The following TPO variants were observed in gnomAD, a reference collection of about 807,000 sequenced individuals.
TPO encodes thyroid peroxidase, also known as thyroid microsomal antigen.
A neutral mutation model predicts 96.9 loss-of-function variants in TPO; 78 were observed. The ratio of observed to expected loss-of-function variants is 0.81; its 90% CI spans 0.67 to 0.97. The LOEUF (loss-of-function observed/expected upper bound fraction) is 0.97. Ranked by LOEUF, TPO falls within the 50% of genes least tolerant of loss-of-function variation. The pLI is 0.00. For synonymous variants in TPO, 547 were observed against 538.0 expected, an observed-to-expected ratio of 1.02 and a Z score of -0.23; for missense variants, 1,252 against 1,274.8, an observed-to-expected ratio of 0.98 and a Z score of 0.27.
intron 1 of TPO, among the ~76,000 whole-genome samples, chr2:1,390,019 C>CTTT (rs5828818): frequency 1.4e-5 from 2 of 138,056 alleles, no homozygotes. Flanking sequence ...TCTTTCTTTT[C>CTTT]TTTTTTTTTT....
intron 2 of TPO, 151 bp downstream of exon 2, chr2:1,414,653 T>G: frequency 2.9e-6 from 2 of 700,726 alleles, no homozygotes; most frequent in Non-Finnish European, 4.9e-6. Context: ...TTGTAATTCT[T>G]GATTTTAGAA....
At chr2:1,448,556 C>T (rs746897540) in intron 5 of TPO, among the ~76,000 whole-genome samples, 6 of 152,182 alleles carry the variant, frequency 3.9e-5, no homozygotes, top group Middle Eastern at 3.2e-3. Context: ...AGCCGGCCAT[C>T]GTAAGAGTTA....
intron 1 of TPO, among the ~76,000 whole-genome samples, chr2:1,383,778 T>G (rs1022864033): frequency 9.9e-5 from 15 of 152,244 alleles, no homozygotes; most frequent in Non-Finnish European, 2.1e-4. Flanking sequence ...TTTGGTGTTT[T>G]AGCCATGACG....
intron 10 of TPO, among the ~76,000 whole-genome samples, chr2:1,490,449 C>T (rs992252259): frequency 1.4e-5 from 2 of 144,512 alleles, no homozygotes; most frequent in African/African-American, 5.2e-5. Flanking sequence ...CACGACACAG[C>T]AGTGTAAGAG....
intron 10 of TPO, among the ~76,000 whole-genome samples, chr2:1,490,015 ACGAGGGTCC>A (rs1671598814): frequency 1.0e-5 from 1 of 99,878 alleles, no homozygotes; most frequent in Non-Finnish European, 2.1e-5. Flanking sequence ...AAGAGCCGCC[ACGAGGGTCC>A]CACACAGGGG....
At position 1,451,570 on chromosome 2, in the gene TPO, A is replaced by G. The variant is rs940485992; in HGVS notation, c.483-2124A>G. Among the ~76,000 whole-genome samples the G allele has an allele frequency of 2.6e-5, 4 of 152,224 alleles. No homozygotes were observed. In the East Asian group the frequency reaches 7.7e-4, roughly 29 times the overall value. On this transcript the variant is annotated intron_variant, in intron 5 of 16. Coordinates refer to ENST00000329066, the MANE Select transcript of TPO (RefSeq NM_001206744.2). ...TGACTCTTTTGTCATGTGCCTTGCAAAGCCTCCCAATACCAGTTGTCCATG... is the reference window on the plus strand; with the variant it reads ...TGACTCTTTTGTCATGTGCCTTGCAGAGCCTCCCAATACCAGTTGTCCATG...
intron 1 of TPO, among the ~76,000 whole-genome samples, chr2:1,378,463 G>A (rs1476388396): frequency 6.6e-6 from 1 of 152,238 alleles, no homozygotes; most frequent in Non-Finnish European, 1.5e-5. Context: ...CTTCAAATGT[G>A]CCTGTTACCG....
At chr2:1,430,937 A>G (rs976738725) in intron 3 of TPO, among the ~76,000 whole-genome samples, 16 of 152,194 alleles carry the variant, frequency 1.1e-4, no homozygotes, top group African/African-American at 3.9e-4. Context: ...TCATCTCCAG[A>G]TGAGACTTTG....
At chr2:1,437,528 C>T (rs1278852113) in intron 5 of TPO, among the ~76,000 whole-genome samples, 2 of 152,106 alleles carry the variant, frequency 1.3e-5, no homozygotes, top group African/African-American at 2.4e-5. Flanking sequence ...AGAGCAGGGG[C>T]TTTGCGACAA....
chr2:1,526,139 C>T (rs1303784976), intron 15 of TPO, among the ~76,000 whole-genome samples: 1 of 109,016 alleles, frequency 9.2e-6, no homozygotes, highest in Non-Finnish European at 1.9e-5. Context: ...CTCCCCCATC[C>T]CTCCATGTGC....
intron 11 of TPO, 92 bp from the exon 12 acceptor site, chr2:1,495,897 G>A (rs1672282130): frequency 7.1e-7 from 1 of 1,406,212 alleles, no homozygotes. Flanking sequence ...AGGAGAGGCT[G>A]GCAGCACACA....
intron 5 of TPO, among the ~76,000 whole-genome samples, chr2:1,448,419 C>A (rs1387881941): frequency 6.6e-6 from 1 of 152,180 alleles, no homozygotes; most frequent in Non-Finnish European, 1.5e-5. Context: ...GCCTGAGTCA[C>A]TTCCGTGACT....
intron 15 of TPO, among the ~76,000 whole-genome samples, chr2:1,530,557 G>A (rs1677876403): frequency 2.1e-5 from 1 of 47,306 alleles, no homozygotes; most frequent in Non-Finnish European, 3.8e-5. Context: ...CCCATTGTGG[G>A]CAACGTCACA....
At chr2:1,478,318 A>ATAG in intron 8 of TPO, 1 of 985,372 alleles carries the variant, frequency 1.0e-6, no homozygotes, top group Non-Finnish European at 1.2e-6. Context: ...GGGCTGTTTG[A>ATAG]TATGCGAGTC....
intron 1 of TPO, among the ~76,000 whole-genome samples, chr2:1,386,115 G>A (rs1573053381): frequency 6.6e-6 from 1 of 152,260 alleles, no homozygotes; most frequent in South Asian, 2.1e-4. Context: ...CATTTGCTGA[G>A]GAGTGCTTTA....
intron 15 of TPO, among the ~76,000 whole-genome samples, chr2:1,526,538 C>T (rs1260134405): frequency 6.9e-6 from 1 of 144,280 alleles, no homozygotes; most frequent in Non-Finnish European, 1.5e-5. Context: ...TCGCAACCTC[C>T]TCAAATCCTC....
At chr2:1,446,355 GCAGGCA>G (rs1346449192) in intron 5 of TPO, among the ~76,000 whole-genome samples, 1 of 152,168 alleles carries the variant, frequency 6.6e-6, no homozygotes, top group Non-Finnish European at 1.5e-5. Flanking sequence ...TCGTTACAGG[GCAGGCA>G]TGGGCGCCTC....
At position 1,484,479 on chromosome 2, in the gene TPO, A is replaced by G. The variant is rs28910609; in HGVS notation, c.1339-117A>G. 4,479 of 1,341,692 alleles carry G rather than the reference A, an allele frequency of 3.3e-3. 105 individuals carry two copies. The African/African-American group carries it at 0.054, about 16-fold the overall frequency. The allele number at this position is 1,341,692 out of a possible 1,614,324, so 83.1% of individuals were successfully genotyped here. A position where few individuals can be genotyped will look rare whatever the true frequency, so the allele number is the denominator to read the frequency against. ...GTTCAGCTGAGGCCCTTATTACAAG[A>G]CGAGAAGGGTCCAGTTCCCTGGGGC... On this transcript the variant is annotated intron_variant, in intron 8 of 16. Coordinates refer to ENST00000329066, the MANE Select transcript of TPO (RefSeq NM_001206744.2).
In TPO at chr2:1,374,717, C is replaced by G. The variant is rs537601370; in HGVS notation, n.180+315C>G. ...TAATTTATAGAGAAATCTTTTCTTTCTTTCTTTCTTTTTTTTTTTTTTTTT... is the reference window on the plus strand; with the variant it reads ...TAATTTATAGAGAAATCTTTTCTTTGTTTCTTTCTTTTTTTTTTTTTTTTT... On this transcript the variant is annotated intron_variant and non_coding_transcript_variant, in intron 1 of 5. Coordinates refer to the TPO transcript ENST00000497517. Among the ~76,000 whole-genome samples, 7 of 144,984 alleles carry G rather than the reference C, an allele frequency of 4.8e-5. No individual in the cohort carries two copies. The East Asian group carries it at 1.5e-3, about 30-fold the overall frequency.
Sources: gnomAD v4.1 joint callset for allele counts (sites outside exome capture counted in the v4.1 genomes callset) on GRCh38, gnomAD v4.1.1 for gene constraint, MANE v1.5 for transcripts, NCBI Gene and HGNC (gene_info 2026-07-23, HGNC 2026-07-21) for gene names.